Variants in ADD1 observed in about 807,000 individuals in gnomAD.
ADD1 encodes the protein alpha-adducin.
Under a neutral mutation model 80.5 loss-of-function variants are expected in ADD1, and 24 were observed. The ratio of observed to expected loss-of-function variants is 0.30; its 90% CI spans 0.22 to 0.42. The LOEUF (loss-of-function observed/expected upper bound fraction) is 0.42. Ranked by LOEUF, ADD1 falls within the 10% of genes least tolerant of loss-of-function variation. The pLI is 1.00. For synonymous variants in ADD1, 373 were observed against 393.8 expected, an observed-to-expected ratio of 0.95 and a Z score of 0.63; for missense variants, 948 against 1,019.0, an observed-to-expected ratio of 0.93 and a Z score of 0.95.
At chr4:2,907,919 G>A (rs2109079589) in intron 11 of ADD1, 75 bp downstream of exon 11, 2 of 1,237,538 alleles carry the variant, frequency 1.6e-6, no homozygotes, top group Non-Finnish European at 2.4e-6. Context: ...TGGGGGGAGC[G>A]GGTGCTTGCT....
Position 2,894,671 on chromosome 4 carries a change from T to C in ADD1, c.681T>C (p.Ile227=). 1.2e-6 allele frequency: 2 copies of C among 1,604,970 alleles called. No individual in the cohort carries two copies. The change falls in exon 6 of 16, where the codon ATT becomes ATC. Residue 227 remains isoleucine, a synonymous_variant. Transcript: ENST00000683351. The stretch of plus-strand genomic sequence containing the variant: ...CCGGCTTCACCTTACACTCTGCAAT[T>C]TATGCTGCACGCCCGGACGTGAAGT... ...NQAGFTLHSA[I]YAARPDVKCV...
chr4:2,903,044 TAAA>T, intron 9 of ADD1: 1 of 151,232 alleles, frequency 6.6e-6, no homozygotes, highest in East Asian at 1.9e-4. Context: ...AAAATTAAAT[TAAA>T]AAAATAAAAA....
At chr4:2,925,020 G>A (rs1308408973) in intron 14 of ADD1, among the ~76,000 whole-genome samples, 1 of 152,248 alleles carries the variant, frequency 6.6e-6, no homozygotes, top group Non-Finnish European at 1.5e-5. Flanking sequence ...CTGAGTGGAT[G>A]GGGACAGGCT....
chr4:2,856,406 G>A (rs1330933558), intron 1 of ADD1, among the ~76,000 whole-genome samples: 1 of 151,652 alleles, frequency 6.6e-6, no homozygotes, highest in Non-Finnish European at 1.5e-5. Flanking sequence ...TTTGGCCTTG[G>A]CTATTCTGCA....
chr4:2,884,165 GC>G (rs1732856325), intron 3 of ADD1, among the ~76,000 whole-genome samples: 1 of 152,084 alleles, frequency 6.6e-6, no homozygotes. Flanking sequence ...TTTACTGCAC[GC>G]CACAAATTTG....
chr4:2,902,564 C>T (rs1407526525), intron 9 of ADD1: 1 of 151,980 alleles, frequency 6.6e-6, no homozygotes, highest in African/African-American at 2.4e-5. Flanking sequence ...CATGGTGAAA[C>T]CCCTTCTCTA....
At chr4:2,849,822 A>G (rs1253621134) in intron 1 of ADD1, among the ~76,000 whole-genome samples, 1 of 152,218 alleles carries the variant, frequency 6.6e-6, no homozygotes, top group Non-Finnish European at 1.5e-5. Context: ...CTGGCTCTTC[A>G]CTATGGGTTT....
chr4:2,871,720 C>G (rs191316669), intron 1 of ADD1, among the ~76,000 whole-genome samples: 1 of 152,286 alleles, frequency 6.6e-6, no homozygotes, highest in African/African-American at 2.4e-5. Context: ...AACTTCATTT[C>G]CCCTTGCCCC....
intron 3 of ADD1, among the ~76,000 whole-genome samples, chr4:2,883,243 T>G (rs1732674692): frequency 6.6e-6 from 1 of 152,192 alleles, no homozygotes; most frequent in African/African-American, 2.4e-5. Flanking sequence ...GTGATACAGT[T>G]TGTGTAGGAA....
chr4:2,910,086 G>A (rs1317037567), intron 13 of ADD1, among the ~76,000 whole-genome samples: 1 of 146,840 alleles, frequency 6.8e-6, no homozygotes, highest in Non-Finnish European at 1.5e-5. Context: ...AGTATGTGGA[G>A]TAGGTGGAAG....
At chr4:2,903,885 G>A (rs757619427) in intron 9 of ADD1, among the ~76,000 whole-genome samples, 15 of 152,176 alleles carry the variant, frequency 9.9e-5, no homozygotes, top group Non-Finnish European at 1.8e-4. Context: ...AAGTAAGTGG[G>A]GCTGTCTTTT....
At chr4:2,913,691 C>T (rs1738465421) in intron 13 of ADD1, among the ~76,000 whole-genome samples, 1 of 151,946 alleles carries the variant, frequency 6.6e-6, no homozygotes, top group African/African-American at 2.4e-5. Flanking sequence ...CCTGTCTCTG[C>T]TTGAGGAGCG....
intron 1 of ADD1, among the ~76,000 whole-genome samples, chr4:2,872,849 C>A (rs1370418848): frequency 6.6e-6 from 1 of 152,098 alleles, no homozygotes; most frequent in African/African-American, 2.4e-5. Context: ...CATGAGCCAC[C>A]ACGCCTGACC....
intron 4 of ADD1, among the ~76,000 whole-genome samples, chr4:2,890,057 C>T (rs556243937): frequency 1.7e-4 from 26 of 151,416 alleles, no homozygotes; most frequent in East Asian, 4.0e-4. Flanking sequence ...ATTAGCCAGG[C>T]GTGGTGGCGC....
chr4:2,912,684 G>A (rs1388800032), intron 13 of ADD1, among the ~76,000 whole-genome samples: 2 of 152,092 alleles, frequency 1.3e-5, no homozygotes, highest in African/African-American at 4.8e-5. Flanking sequence ...ATGCCACCAT[G>A]CTTGGCTAAT....
intron 4 of ADD1, among the ~76,000 whole-genome samples, chr4:2,892,715 G>C (rs1734504349): frequency 6.6e-6 from 1 of 151,912 alleles, no homozygotes; most frequent in South Asian, 2.1e-4. Context: ...TGTGCCTGTA[G>C]TCCCAGCTAC....
At chr4:2,879,953 G>C (rs1290756588) in intron 2 of ADD1, among the ~76,000 whole-genome samples, 2 of 152,176 alleles carry the variant, frequency 1.3e-5, no homozygotes, top group Non-Finnish European at 2.9e-5. Context: ...GACCTCAAGT[G>C]ATCCGCCTCC....
At chr4:2,880,328 G>A (rs1732042992) in intron 2 of ADD1, among the ~76,000 whole-genome samples, 1 of 151,922 alleles carries the variant, frequency 6.6e-6, no homozygotes, top group African/African-American at 2.4e-5. Flanking sequence ...CTGTCCCTTG[G>A]CAATCTCCTG....
chr4:2,908,794 C>A, intron 12 of ADD1, 190 bp downstream of exon 12: 1 of 603,466 alleles, frequency 1.7e-6, no homozygotes, highest in Admixed American at 2.9e-5. Context: ...AGCGAGCATG[C>A]TGAGGGCTGT....
Sources: allele counts gnomAD v4.1 joint callset (sites outside exome capture counted in the v4.1 genomes callset), GRCh38; gene constraint gnomAD v4.1.1; transcripts MANE v1.5; gene names NCBI Gene and HGNC (gene_info 2026-07-23, HGNC 2026-07-21).